GRIP1: variants seen among roughly 807,000 people sequenced by gnomAD.
GRIP1 encodes glutamate receptor interacting protein 1.
A neutral mutation model predicts 129.9 loss-of-function variants in GRIP1; 45 were observed. That is an observed-to-expected ratio of 0.35 (90% confidence interval 0.27 to 0.44). GRIP1 has a LOEUF of 0.44. Ranked by LOEUF, GRIP1 falls within the 20% of genes least tolerant of loss-of-function variation. GRIP1 has a pLI of 1.00. For synonymous variants in GRIP1, 530 were observed against 520.8 expected, an observed-to-expected ratio of 1.02 and a Z score of -0.24; for missense variants, 1,196 against 1,396.8, an observed-to-expected ratio of 0.86 and a Z score of 2.29.
At chr12:66,772,570 CAT>C (rs2037852642) in intron 1 of GRIP1, among the ~76,000 whole-genome samples, 1 of 152,128 alleles carries the variant, frequency 6.6e-6, no homozygotes, top group Non-Finnish European at 1.5e-5. Flanking sequence ...AACAAAATAA[CAT>C]GTGCTAAGGG....
At chr12:66,598,722 C>T (rs2064155777) in intron 1 of GRIP1, among the ~76,000 whole-genome samples, 1 of 152,160 alleles carries the variant, frequency 6.6e-6, no homozygotes, top group Non-Finnish European at 1.5e-5. Flanking sequence ...CTTTCATTGT[C>T]CAAAACCTTG....
intron 1 of GRIP1, among the ~76,000 whole-genome samples, chr12:67,025,720 C>T (rs2042933755): frequency 1.3e-5 from 2 of 152,016 alleles, no homozygotes; most frequent in South Asian, 4.1e-4. Context: ...TGGGTCATGA[C>T]GGCGAGGGTC....
chr12:66,948,491 GAA>G (rs2041705718), intron 1 of GRIP1, among the ~76,000 whole-genome samples: 1 of 152,172 alleles, frequency 6.6e-6, no homozygotes, highest in African/African-American at 2.4e-5. Context: ...AATGAGTGAT[GAA>G]GAAGCTCATG....
At chr12:66,562,688 T>G (rs1335741901) in intron 2 of GRIP1, among the ~76,000 whole-genome samples, 1 of 152,110 alleles carries the variant, frequency 6.6e-6, no homozygotes. Context: ...CTTTGTTGCA[T>G]GATTATATAT....
At chr12:66,633,383 T>G (rs1013190960) in intron 1 of GRIP1, among the ~76,000 whole-genome samples, 15 of 148,918 alleles carry the variant, frequency 1.0e-4, no homozygotes, top group African/African-American at 3.7e-4. Flanking sequence ...ACTCTTGAGC[T>G]CCAGCAATCC....
rs571020116 is a variant in GRIP1 at position 66,934,435 on chromosome 12, A to C, written c.58+134615T>G. Among the ~76,000 whole-genome samples the C allele has an allele frequency of 7.9e-5, 12 of 152,280 alleles. No homozygotes were observed. The South Asian group carries it at 2.5e-3, about 32-fold the overall frequency. On this transcript the variant is annotated intron_variant, in intron 1 of 1. Transcript: ENST00000643019. ...ACAATACATGAGAAATAACTACATC[A>C]CTTAAACTTACCACACTGTACAGTA...
intron 11 of GRIP1, among the ~76,000 whole-genome samples, chr12:66,455,170 G>A (rs1221321404): frequency 6.6e-6 from 1 of 152,174 alleles, no homozygotes; most frequent in African/African-American, 2.4e-5. Flanking sequence ...CAAATAAAAA[G>A]TTGTAGGCAA....
chr12:66,962,697 C>G (rs1204492137), intron 1 of GRIP1, among the ~76,000 whole-genome samples: 1 of 151,630 alleles, frequency 6.6e-6, no homozygotes, highest in African/African-American at 2.4e-5. Context: ...AGATCCGTCT[C>G]AAAACAAAAA....
chr12:66,522,249 C>T (rs2061040325), intron 5 of GRIP1, among the ~76,000 whole-genome samples: 1 of 152,184 alleles, frequency 6.6e-6, no homozygotes, highest in Non-Finnish European at 1.5e-5. Context: ...GGAGGCACCC[C>T]CAAATAGGGG....
intron 1 of GRIP1, among the ~76,000 whole-genome samples, chr12:67,055,662 C>A (rs2043422782): frequency 6.6e-6 from 1 of 152,166 alleles, no homozygotes; most frequent in Non-Finnish European, 1.5e-5. Flanking sequence ...TATACAAGTA[C>A]AAATTCCTTT....
chr12:66,740,725 TATCTC>T (rs2036762419), intron 1 of GRIP1, among the ~76,000 whole-genome samples: 3 of 152,158 alleles, frequency 2.0e-5, no homozygotes, highest in Admixed American at 2.0e-4. Flanking sequence ...CTTGGATAAT[TATCTC>T]ATGCAATCCT....
Position 66,570,421 on chromosome 12 carries a change from T to C in GRIP1, c.136+26426A>G, listed in dbSNP as rs550606199. Among the ~76,000 whole-genome samples, 9 of 152,282 alleles carry C rather than the reference T, an allele frequency of 5.9e-5. No individual in the cohort carries two copies. In the South Asian group the frequency reaches 1.9e-3, roughly 32 times the overall value. On this transcript the variant is annotated intron_variant, in intron 2 of 24. Transcript: ENST00000359742. ...CCACCACACCGGGCCTCAACTGAAA[T>C]TCTTCCAGAGAAGATAGAGACCAAA...
chr12:66,794,945 C>A (rs1162238664), intron 1 of GRIP1, among the ~76,000 whole-genome samples: 1 of 152,098 alleles, frequency 6.6e-6, no homozygotes, highest in East Asian at 1.9e-4. Context: ...TAATGAAAGA[C>A]CACTGTAAAT....
At chr12:67,002,597 A>G (rs1490790873) in intron 1 of GRIP1, among the ~76,000 whole-genome samples, 1 of 152,160 alleles carries the variant, frequency 6.6e-6, no homozygotes, top group African/African-American at 2.4e-5. Flanking sequence ...AAAAACAATT[A>G]TTTCCCTTTC....
At chr12:66,594,054 C>G (rs900298909) in intron 2 of GRIP1, among the ~76,000 whole-genome samples, 10 of 95,676 alleles carry the variant, frequency 1.0e-4, no homozygotes, top group African/African-American at 4.4e-4. Flanking sequence ...GGTGACAGAG[C>G]AAGACTCCGT....
At chr12:66,810,950 C>T (rs1345200119) in intron 1 of GRIP1, among the ~76,000 whole-genome samples, 1 of 152,080 alleles carries the variant, frequency 6.6e-6, no homozygotes, top group African/African-American at 2.4e-5. Context: ...CAAGGTCGAC[C>T]CTCCATTGGC....
At chr12:66,839,582 C>G (rs192983437) in intron 1 of GRIP1, among the ~76,000 whole-genome samples, 81 of 152,242 alleles carry the variant, frequency 5.3e-4, no homozygotes, top group Admixed American at 7.2e-4. Flanking sequence ...AACTGAGTTT[C>G]GGCAGCTGTG....
At chr12:66,550,369 T>C (rs1348139315) in intron 2 of GRIP1, among the ~76,000 whole-genome samples, 2 of 152,216 alleles carry the variant, frequency 1.3e-5, no homozygotes, top group African/African-American at 4.8e-5. Flanking sequence ...ATTGTCATTA[T>C]TATTGTTATT....
chr12:66,466,374 A>G (rs11176204), intron 7 of GRIP1, among the ~76,000 whole-genome samples: 75,534 of 152,010 alleles, frequency 0.5, 19,092 homozygotes, highest in Middle Eastern at 0.65. Flanking sequence ...TTAGCACATC[A>G]GAGGTATGCC....
Sources: gnomAD v4.1 joint callset for allele counts (sites outside exome capture counted in the v4.1 genomes callset) on GRCh38, gnomAD v4.1.1 for gene constraint, MANE v1.5 for transcripts, NCBI Gene and HGNC (gene_info 2026-07-23, HGNC 2026-07-21) for gene names.